FAM219A: variants seen among roughly 807,000 people sequenced by gnomAD.
The protein encoded by FAM219A is family with sequence similarity 219 member A, also known as protein FAM219A.
Under a neutral mutation model 23.4 loss-of-function variants are expected in FAM219A, and 7 were observed. That is an observed-to-expected ratio of 0.30 (90% CI 0.17 to 0.56). The LOEUF is 0.56. Ranked by LOEUF, FAM219A falls within the 20% of genes least tolerant of loss-of-function variation. The probability of loss-of-function intolerance (pLI) is 0.92; values close to 1 mark genes in which losing one functional copy is unlikely to be tolerated. For missense variants in FAM219A, 166 were observed against 246.9 expected, an observed-to-expected ratio of 0.67 and a Z score of 2.20; for synonymous variants, 93 against 99.0, an observed-to-expected ratio of 0.94 and a Z score of 0.36.
chr9:34,404,524 A>G (rs540294820), intron 2 of FAM219A, among the ~76,000 whole-genome samples: 15 of 152,338 alleles, frequency 9.8e-5, no homozygotes, highest in Admixed American at 9.8e-4. Flanking sequence ...CCTGGCCAAC[A>G]TGGCGAAAGC....
At chr9:34,455,465 ATTTTTT>A (rs11394221) in intron 1 of FAM219A, among the ~76,000 whole-genome samples, 1 of 129,692 alleles carries the variant, frequency 7.7e-6, no homozygotes, top group African/African-American at 3.0e-5. Flanking sequence ...TGCTATCTTG[ATTTTTT>A]TTTTTTTTTT....
chr9:34,398,615 GC>G lies in FAM219A; in HGVS notation c.*2348del. On this transcript the variant is annotated 3_prime_UTR_variant, in exon 6 of 6. Transcript: ENST00000651358. ...GGGAGATTTTCCCTGGTGTCTCAGGGCCACAGAGATTGAACAATGGGCCCGA... is the reference window on the plus strand; with the variant it reads ...GGGAGATTTTCCCTGGTGTCTCAGGGCACAGAGATTGAACAATGGGCCCGA... 1.8e-6 allele frequency: 1 copy of G among 542,146 alleles called. No individual in the cohort carries two copies. The highest frequency in any genetic ancestry group is 2.3e-5 in the South Asian group (1 of 43,970). 33.6% of individuals were successfully genotyped at this position (542,146 alleles called of 1,614,324 possible).
chr9:34,448,877 A>C (rs1478523920), intron 1 of FAM219A, among the ~76,000 whole-genome samples: 1 of 152,064 alleles, frequency 6.6e-6, no homozygotes, highest in Non-Finnish European at 1.5e-5. Flanking sequence ...GGGATAAAAG[A>C]CTACATGTTG....
At chr9:34,403,175 G>A (rs1821514895) in intron 2 of FAM219A, among the ~76,000 whole-genome samples, 1 of 152,182 alleles carries the variant, frequency 6.6e-6, no homozygotes. Flanking sequence ...GAGAGAGGTG[G>A]ACATTCTAGG....
intron 1 of FAM219A, among the ~76,000 whole-genome samples, chr9:34,452,777 A>T (rs1823601353): frequency 6.6e-6 from 1 of 152,108 alleles, no homozygotes; most frequent in Admixed American, 6.5e-5. Context: ...CCAAGCTTCT[A>T]GTACTCTTCC....
At chr9:34,437,957 T>G (rs1201778457) in intron 1 of FAM219A, among the ~76,000 whole-genome samples, 1 of 151,716 alleles carries the variant, frequency 6.6e-6, no homozygotes, top group East Asian at 1.9e-4. Flanking sequence ...GGGCTGCGCG[T>G]GGCGCTTGCG....
chr9:34,401,169 C>T (rs1821412457), intron 5 of FAM219A, 47 bp from the exon 6 acceptor site: 3 of 1,597,998 alleles, frequency 1.9e-6, no homozygotes, highest in Non-Finnish European at 2.6e-6. Flanking sequence ...CAGGGAGGCA[C>T]CACCCACAGC....
Position 34,401,023 on chromosome 9 carries a change from C to A in FAM219A, c.499G>T (p.Val167Leu). The change falls in exon 6 of 6, where the codon GTG becomes TTG. Residue 167 changes from valine to leucine, a missense_variant. Transcript: ENST00000651358. ...EDLDLIPPKS[V>L]NPTCMCCQAT... ...TGGCAGCACATGCACGTGGGGTTCA[C>A]GGACTTGGGGGGGATGAGGTCTAGG... The A allele has an allele frequency of 6.3e-7, 1 of 1,598,550 alleles. No homozygotes were observed. Among genetic ancestry groups the A allele is most frequent in the Non-Finnish European group, 8.5e-7 (1 of 1,170,768 alleles).
intron 1 of FAM219A, among the ~76,000 whole-genome samples, chr9:34,410,716 C>A (rs1821793042): frequency 6.7e-6 from 1 of 149,666 alleles, no homozygotes; most frequent in African/African-American, 2.5e-5. Context: ...TAAAGGAAGA[C>A]AATCTACACA....
At chr9:34,439,502 C>A (rs1042690012) in intron 1 of FAM219A, among the ~76,000 whole-genome samples, 11 of 152,134 alleles carry the variant, frequency 7.2e-5, no homozygotes, top group Non-Finnish European at 1.5e-4. Flanking sequence ...ATTTTACATA[C>A]TTACGTAAAA....
chr9:34,432,826 G>A (rs949026925), intron 1 of FAM219A, among the ~76,000 whole-genome samples: 2 of 152,030 alleles, frequency 1.3e-5, no homozygotes, highest in East Asian at 1.9e-4. Context: ...GGGCAGGGGC[G>A]GTGTGGGGTA....
chr9:34,430,412 C>T (rs993699822), intron 1 of FAM219A, among the ~76,000 whole-genome samples: 2 of 149,174 alleles, frequency 1.3e-5, no homozygotes, highest in African/African-American at 2.5e-5. Flanking sequence ...CTGAGGTGGG[C>T]GGATCACAAG....
chr9:34,416,819 T>G (rs1157141381), intron 1 of FAM219A, among the ~76,000 whole-genome samples: 1 of 150,716 alleles, frequency 6.6e-6, no homozygotes, highest in Non-Finnish European at 1.5e-5. Flanking sequence ...TTTTTTTTTT[T>G]TTTTTTTTTT....
intron 1 of FAM219A, among the ~76,000 whole-genome samples, chr9:34,440,936 C>T (rs1823147683): frequency 6.6e-6 from 1 of 152,082 alleles, no homozygotes; most frequent in South Asian, 2.1e-4. Context: ...CAGGCCTGAT[C>T]GTATAGCACT....
At chr9:34,448,309 T>C (rs1347167459) in intron 1 of FAM219A, among the ~76,000 whole-genome samples, 3 of 152,214 alleles carry the variant, frequency 2.0e-5, no homozygotes, top group Non-Finnish European at 4.4e-5. Flanking sequence ...TCAGGGCCGC[T>C]GGGATGGCAA....
rs529182780 is a variant in FAM219A, at chr9:34,415,675, C to A, written c.61-9711G>T. Among the ~76,000 whole-genome samples the A allele has an allele frequency of 1.2e-4, 18 of 152,274 alleles. 1 individual carries two copies. In the South Asian group the frequency reaches 3.7e-3, roughly 32 times the overall value. On this transcript the variant is annotated intron_variant, in intron 1 of 5. Coordinates refer to ENST00000651358, the MANE Select transcript of FAM219A (RefSeq NM_001184940.2). Reference sequence around the variant, plus strand: ...CCATCTTCATGGTCATAGGAGTGAGCCTCTAGGAACTATGCTGGTTCTATG... The same window carrying A: ...CCATCTTCATGGTCATAGGAGTGAGACTCTAGGAACTATGCTGGTTCTATG...
At chr9:34,455,422 T>A (rs960306641) in intron 1 of FAM219A, among the ~76,000 whole-genome samples, 1 of 152,080 alleles carries the variant, frequency 6.6e-6, no homozygotes, top group Non-Finnish European at 1.5e-5. Flanking sequence ...AAGAGCCACT[T>A]TGCCCTCTTT....
At chr9:34,415,873 C>T (rs1821983817) in intron 1 of FAM219A, among the ~76,000 whole-genome samples, 1 of 152,138 alleles carries the variant, frequency 6.6e-6, no homozygotes. Flanking sequence ...AAGAAGTAAA[C>T]ACAAGAGATG....
At chr9:34,454,328 C>G (rs964119089) in intron 1 of FAM219A, among the ~76,000 whole-genome samples, 1 of 152,198 alleles carries the variant, frequency 6.6e-6, no homozygotes, top group Non-Finnish European at 1.5e-5. Context: ...CCCAGCTATT[C>G]AGGAGGCTGA....
Sources: allele counts gnomAD v4.1 joint callset (sites outside exome capture counted in the v4.1 genomes callset), GRCh38; gene constraint gnomAD v4.1.1; transcripts MANE v1.5; gene names NCBI Gene and HGNC (gene_info 2026-07-23, HGNC 2026-07-21).